Variants in NACC1 observed in about 807,000 individuals in gnomAD.
NACC1 encodes nucleus accumbens associated 1.
A neutral mutation model predicts 41.7 loss-of-function variants in NACC1; 6 were observed. The observed-to-expected ratio is 0.14, with a 90% confidence interval of 0.08 to 0.28. The LOEUF is 0.28. NACC1 is among the 10% of genes least tolerant of loss of function. The pLI, the probability that NACC1 is intolerant of heterozygous loss-of-function variation, is 1.00. For missense variants in NACC1, 434 were observed against 763.7 expected, an observed-to-expected ratio of 0.57 and a Z score of 5.09; for synonymous variants, 338 against 330.6, an observed-to-expected ratio of 1.02 and a Z score of -0.24.
At chr19:13,123,230 G>A (rs767214053) in intron 1 of NACC1, among the ~76,000 whole-genome samples, 49 of 152,140 alleles carry the variant, frequency 3.2e-4, no homozygotes, top group Non-Finnish European at 6.2e-4. Flanking sequence ...CTTGGTTGCC[G>A]CCACTGCTGC....
chr19:13,116,856 A>G (rs2019389374), upstream of NACC1: 2 of 190,746 alleles, frequency 1.0e-5, no homozygotes, highest in African/African-American at 4.7e-5. Context: ...GGGGGTGTTA[A>G]TCACAGTGGA....
chr19:13,122,531 G>GGGA lies in NACC1; in HGVS notation c.-9+4079_-9+4080insAGG, dbSNP rs1555721153. ...TTTTTGGTTGCCCCTGCCGGGGGGGGGGGGGTGTGCTGCTGGCATCTAGTG... is the reference window on the plus strand; with the variant it reads ...TTTTTGGTTGCCCCTGCCGGGGGGGGGGAGGGGGTGTGCTGCTGGCATCTAGTG... On this transcript the variant is annotated intron_variant, in intron 1 of 5. Transcript: ENST00000292431. Among the ~76,000 whole-genome samples the GGGA allele has an allele frequency of 4.0e-5, 6 of 151,014 alleles. 1 individual carries two copies. The highest frequency in any genetic ancestry group is 1.5e-4 in the African/African-American group (6 of 41,162).
In NACC1 at chr19:13,135,895, G is replaced by A. The variant is rs748356804; in HGVS notation, c.688G>A (p.Ala230Thr). Residue 230 changes from alanine to threonine, a missense_variant, in exon 2 of 6, where the codon GCA becomes ACA. Ala to Thr is a moderately conservative substitution (Grantham distance 58). Coordinates refer to ENST00000292431, the MANE Select transcript of NACC1 (RefSeq NM_052876.4). ...PPPQQAPVVA[A>T]AQPAVAAGAG... ...ACCCCAACAGGCTCCGGTGGTGGCA[G>A]CAGCCCAGCCCGCCGTGGCTGCGGG... 3 of 1,560,056 alleles carry A rather than the reference G, an allele frequency of 1.9e-6. No homozygotes were observed. Among genetic ancestry groups the A allele is most frequent in the South Asian group, 2.3e-5 (2 of 85,638 alleles).
chr19:13,131,289 C>T (rs540425022), intron 1 of NACC1, among the ~76,000 whole-genome samples: 2 of 152,324 alleles, frequency 1.3e-5, no homozygotes, highest in African/African-American at 4.8e-5. Context: ...AGGATTTTGG[C>T]AGCACTGCAC....
chr19:13,129,156 C>A (rs541372223), intron 1 of NACC1, among the ~76,000 whole-genome samples: 1 of 152,154 alleles, frequency 6.6e-6, no homozygotes, highest in Non-Finnish European at 1.5e-5. Flanking sequence ...GGGTGCACAG[C>A]TTGGGCAAAG....
intron 1 of NACC1, among the ~76,000 whole-genome samples, chr19:13,119,334 G>A (rs527332630): frequency 6.6e-5 from 10 of 152,096 alleles, no homozygotes; most frequent in African/African-American, 2.2e-4. Context: ...GCAAGCCTCT[G>A]CCAACTGTTC....
chr19:13,123,157 CCTT>C (rs1258408557), intron 1 of NACC1, among the ~76,000 whole-genome samples: 1 of 152,208 alleles, frequency 6.6e-6, no homozygotes, highest in African/African-American at 2.4e-5. Flanking sequence ...CCTCCACCCT[CCTT>C]TGTGTTAGCG....
Position 13,136,207 on chromosome 19 carries a change from C to T in NACC1, c.947-25C>T. On this transcript the variant is annotated intron_variant, in intron 2 of 5. Transcript: ENST00000292431. This position sits in a 1 kb window ranked among gnomAD's most constrained non-coding sequence, Gnocchi z 5.5. ...CCAGCCACCCCTGCTCCTCCTGCCA[C>T]TCGCGTGCCACTCTCTCCCTGCAGC... is the stretch of plus-strand genomic sequence containing the variant. 6.2e-7 allele frequency: 1 copy of T among 1,606,380 alleles called. No homozygotes were observed. The highest frequency in any genetic ancestry group is 2.3e-5 in the East Asian group (1 of 44,286).
intron 1 of NACC1, among the ~76,000 whole-genome samples, chr19:13,121,225 T>C (rs1339019046): frequency 6.6e-6 from 1 of 152,154 alleles, no homozygotes; most frequent in Non-Finnish European, 1.5e-5. Context: ...GAGGGGTCAG[T>C]GTTCTAGGCT....
At chr19:13,116,880 G>A (rs1306122789), upstream of NACC1, 1 of 179,660 alleles carries the variant, frequency 5.6e-6, no homozygotes, top group African/African-American at 2.4e-5. Context: ...CCTGGGAGAG[G>A]ACACGTCCCT....
intron 1 of NACC1, among the ~76,000 whole-genome samples, chr19:13,119,448 C>T (rs1051044041): frequency 1.5e-4 from 23 of 152,156 alleles, no homozygotes; most frequent in South Asian, 4.1e-4. Context: ...CCACCCCCAC[C>T]TTATATATCT....
At chr19:13,119,099 C>T (rs1383134694) in intron 1 of NACC1, among the ~76,000 whole-genome samples, 2 of 115,498 alleles carry the variant, frequency 1.7e-5, no homozygotes, top group Non-Finnish European at 3.6e-5. Flanking sequence ...GATGTGGGGG[C>T]GATCAGGTAA....
intron 1 of NACC1, among the ~76,000 whole-genome samples, chr19:13,126,099 A>C (rs1288920287): frequency 1.3e-5 from 2 of 148,440 alleles, no homozygotes; most frequent in African/African-American, 5.0e-5. Context: ...GCTGGAGTGC[A>C]TTGGCCCGAT....
chr19:13,137,191 T>C lies in NACC1; in HGVS notation c.1121-80T>C. 7.2e-7 allele frequency: 1 copy of C among 1,387,814 alleles called. No homozygotes were observed. The highest frequency in any genetic ancestry group is 1.4e-5 in the African/African-American group (1 of 70,784). 86.0% of individuals were successfully genotyped at this position (1,387,814 alleles called of 1,614,324 possible). ...AGCCCAGCAGGGAGGGCCTGGGGTG[T>C]TCTGAGATGAGGCCTGGTATCATGG... On this transcript the variant is annotated intron_variant, in intron 3 of 5. Transcript: ENST00000292431. The surrounding 1 kb of genome is among the most constrained non-coding windows in gnomAD (Gnocchi z 6.1).
chr19:13,121,613 C>G (rs1028601983), intron 1 of NACC1, among the ~76,000 whole-genome samples: 1 of 152,026 alleles, frequency 6.6e-6, no homozygotes, highest in South Asian at 2.1e-4. Context: ...TGGGGTTGGC[C>G]CAACATTGTC....
At position 13,137,275 on chromosome 19, in the gene NACC1, C is replaced by T; in HGVS notation, c.1125C>T (p.Thr375=). ...CCTCCGGCTTCCTCTCACCAGGCACCAACGTGTACATCACAAGGGCGCAGC... is the reference window on the plus strand; with the variant it reads ...CCTCCGGCTTCCTCTCACCAGGCACTAACGTGTACATCACAAGGGCGCAGC... ...PSEKLELVTG[T]NVYITRAQLM... Residue 375 remains threonine, a synonymous_variant, in exon 4 of 6, where the codon ACC becomes ACT. Transcript: ENST00000292431. The surrounding 1 kb of genome is among the most constrained non-coding windows in gnomAD (Gnocchi z 6.1). 1 of 1,613,420 alleles carries T rather than the reference C, an allele frequency of 6.2e-7. No homozygotes were observed. The highest frequency in any genetic ancestry group is 8.5e-7 in the Non-Finnish European group (1 of 1,179,738).
intron 1 of NACC1, among the ~76,000 whole-genome samples, chr19:13,126,704 G>A (rs1025129005): frequency 6.6e-6 from 1 of 152,124 alleles, no homozygotes; most frequent in African/African-American, 2.4e-5. Context: ...AAAGGAGGTC[G>A]TCTGTCTGCC....
At chr19:13,122,493 A>T (rs1201359994) in intron 1 of NACC1, among the ~76,000 whole-genome samples, 4 of 134,518 alleles carry the variant, frequency 3.0e-5, no homozygotes, top group Non-Finnish European at 6.2e-5. Context: ...CACTTGGGGA[A>T]TGTCTGGGGA....
intron 1 of NACC1, among the ~76,000 whole-genome samples, chr19:13,119,020 A>T (rs1043651518): frequency 1.5e-5 from 2 of 135,378 alleles, no homozygotes. Context: ...GGGGGCGGAT[A>T]GGAGATCCCA....
Sources: allele counts gnomAD v4.1 joint callset (sites outside exome capture counted in the v4.1 genomes callset), GRCh38; gene constraint gnomAD v4.1.1; non-coding constraint Gnocchi (gnomAD v3.1); transcripts MANE v1.5; gene names NCBI Gene and HGNC (gene_info 2026-07-23, HGNC 2026-07-21).